The following PAPPA2 variants were observed in gnomAD, a reference collection of about 807,000 sequenced individuals.
PAPPA2 encodes pappalysin-2.
In PAPPA2, 86 loss-of-function variants were observed where a neutral mutation model predicts 176.4. That is an observed-to-expected ratio of 0.49 (90% CI 0.41 to 0.58). The LOEUF (loss-of-function observed/expected upper bound fraction) is 0.58. Among genes scored for constraint, PAPPA2 ranks in the 20% least tolerant of loss-of-function variants. The pLI, the probability that PAPPA2 is intolerant of heterozygous loss-of-function variation, is 0.00. For missense variants in PAPPA2, 2,073 were observed against 2,256.9 expected, an observed-to-expected ratio of 0.92 and a Z score of 1.65; for synonymous variants, 809 against 852.2, an observed-to-expected ratio of 0.95 and a Z score of 0.88.
chr1:176,609,582 A>G (rs1654796400), intron 3 of PAPPA2, among the ~76,000 whole-genome samples: 2 of 152,214 alleles, frequency 1.3e-5, no homozygotes, highest in Non-Finnish European at 2.9e-5. Context: ...ATCTAGATTT[A>G]TTCCAGGCAG....
intron 4 of PAPPA2, among the ~76,000 whole-genome samples, chr1:176,689,130 G>A (rs1162822068): frequency 6.6e-6 from 1 of 152,174 alleles, no homozygotes; most frequent in Non-Finnish European, 1.5e-5. Context: ...TCTCTGTCTT[G>A]TCTTTCAGAG....
At chr1:176,495,027 C>T (rs553917325) in intron 1 of PAPPA2, among the ~76,000 whole-genome samples, 1 of 151,990 alleles carries the variant, frequency 6.6e-6, no homozygotes, top group South Asian at 2.1e-4. Context: ...AAAGTCAGGC[C>T]CCAAAATGCT....
At chr1:176,552,265 C>A (rs1651003377) in intron 1 of PAPPA2, among the ~76,000 whole-genome samples, 1 of 151,784 alleles carries the variant, frequency 6.6e-6, no homozygotes, top group Admixed American at 6.6e-5. Context: ...CTCCCAGAAT[C>A]TTCTCTTTTT....
At chr1:176,750,847 T>G (rs1448252679) in intron 14 of PAPPA2, among the ~76,000 whole-genome samples, 2 of 152,162 alleles carry the variant, frequency 1.3e-5, no homozygotes, top group African/African-American at 4.8e-5. Context: ...ACGCATTGTG[T>G]TATTATATGG....
chr1:176,472,333 C>T (rs1057221409), intron 1 of PAPPA2, among the ~76,000 whole-genome samples: 5 of 152,142 alleles, frequency 3.3e-5, no homozygotes, highest in African/African-American at 1.2e-4. Flanking sequence ...GGGTTTCAAG[C>T]CATTGTAATC....
intron 2 of PAPPA2, among the ~76,000 whole-genome samples, chr1:176,580,070 A>T (rs1652874316): frequency 6.6e-6 from 1 of 152,196 alleles, no homozygotes; most frequent in African/African-American, 2.4e-5. Context: ...TTTTAACCAT[A>T]GTCATCCTAC....
chr1:176,704,734 A>G (rs1177156224), intron 9 of PAPPA2, among the ~76,000 whole-genome samples: 1 of 152,236 alleles, frequency 6.6e-6, no homozygotes, highest in Non-Finnish European at 1.5e-5. Context: ...TACAGATCAA[A>G]TAGTTGAATT....
At chr1:176,686,401 G>A (rs1346188546) in intron 4 of PAPPA2, among the ~76,000 whole-genome samples, 2 of 152,140 alleles carry the variant, frequency 1.3e-5, no homozygotes, top group Non-Finnish European at 2.9e-5. Context: ...AACAGCATAA[G>A]GGAAACTGCC....
At chr1:176,779,981 T>G (rs1387321953) in intron 17 of PAPPA2, among the ~76,000 whole-genome samples, 2 of 152,106 alleles carry the variant, frequency 1.3e-5, no homozygotes, top group Non-Finnish European at 2.9e-5. Context: ...ATGTCAGGAG[T>G]ATGGCCAATG....
intron 3 of PAPPA2, among the ~76,000 whole-genome samples, chr1:176,607,582 A>T (rs1654686363): frequency 6.6e-6 from 1 of 152,182 alleles, no homozygotes; most frequent in Non-Finnish European, 1.5e-5. Flanking sequence ...GTGTATATAT[A>T]CATGTTCTTT....
At chr1:176,739,068 A>G (rs1399991455) in intron 12 of PAPPA2, among the ~76,000 whole-genome samples, 1 of 152,156 alleles carries the variant, frequency 6.6e-6, no homozygotes, top group African/African-American at 2.4e-5. Context: ...TTCTAATTTC[A>G]GAAGCAAGAG....
chr1:176,470,944 T>G (rs1217244233), intron 1 of PAPPA2, among the ~76,000 whole-genome samples: 1 of 152,058 alleles, frequency 6.6e-6, no homozygotes, highest in African/African-American at 2.4e-5. Context: ...CCCCAGTGGC[T>G]TCTCGGGTCA....
intron 12 of PAPPA2, among the ~76,000 whole-genome samples, chr1:176,715,180 A>G (rs931179208): frequency 1.3e-5 from 2 of 152,202 alleles, no homozygotes; most frequent in African/African-American, 4.8e-5. Flanking sequence ...TATCTTTAGT[A>G]CCCACTGTTG....
At chr1:176,578,418 C>T (rs1652774120) in intron 2 of PAPPA2, among the ~76,000 whole-genome samples, 2 of 152,162 alleles carry the variant, frequency 1.3e-5, no homozygotes, top group South Asian at 4.1e-4. Context: ...TACTAGGGTT[C>T]CCCAAGACTG....
chr1:176,709,931 T>G, intron 10 of PAPPA2, 52 bp from the exon 11 acceptor site: 2 of 1,488,690 alleles, frequency 1.3e-6, no homozygotes, highest in South Asian at 2.6e-5. Flanking sequence ...TTCATTTTTT[T>G]CATGACATTT....
In PAPPA2 at chr1:176,820,613, T is replaced by C. The variant is rs185116742; in HGVS notation, c.5203-19560T>C. Among the ~76,000 whole-genome samples, 203 of 152,266 alleles carry C rather than the reference T, an allele frequency of 1.3e-3. 1 individual carries two copies. Among genetic ancestry groups the C allele is most frequent in the African/African-American group, 4.6e-3 (192 of 41,570 alleles). On this transcript the variant is annotated intron_variant, in intron 21 of 22. Transcript: ENST00000367662. ...GCCAGCCACATGTCATGCATGGCAT[T>C]TTCTTCTGCTAAACTCCTGGCAACA...
intron 3 of PAPPA2, among the ~76,000 whole-genome samples, chr1:176,602,967 T>G (rs2102664343): frequency 6.6e-6 from 1 of 152,382 alleles, no homozygotes; most frequent in East Asian, 1.9e-4. Context: ...AGTTTCTCTG[T>G]TCACCTGGCT....
rs887665604 is a variant in PAPPA2, at chr1:176,698,854, A to G, written c.2747-246A>G. Among the ~76,000 whole-genome samples, 8 of 152,178 alleles carry G rather than the reference A, an allele frequency of 5.3e-5. No homozygotes were observed. In the East Asian group the frequency reaches 1.5e-3, roughly 29 times the overall value. On this transcript the variant is annotated intron_variant, in intron 7 of 22. Coordinates refer to ENST00000367662, the MANE Select transcript of PAPPA2 (RefSeq NM_020318.3). ...CTAGGATCTGGGTTGCTCCCTTCCCAATTCCTGGTGGGTTTCCTCTTGCTA... is the reference window on the plus strand; with the variant it reads ...CTAGGATCTGGGTTGCTCCCTTCCCGATTCCTGGTGGGTTTCCTCTTGCTA...
intron 22 of PAPPA2, 82 bp from the exon 23 acceptor site, chr1:176,842,298 A>C (rs1667517238): frequency 2.4e-6 from 3 of 1,271,078 alleles, no homozygotes; most frequent in Non-Finnish European, 3.4e-6. Context: ...CTCTGGGACC[A>C]AGTGAGGAAA....
Sources: allele counts gnomAD v4.1 joint callset (sites outside exome capture counted in the v4.1 genomes callset), GRCh38; gene constraint gnomAD v4.1.1; transcripts MANE v1.5; gene names NCBI Gene and HGNC (gene_info 2026-07-23, HGNC 2026-07-21).